Variants in KIAA1217 observed in about 807,000 individuals in gnomAD.
The protein encoded by KIAA1217 is sickle tail protein homolog.
A neutral mutation model predicts 163.9 loss-of-function variants in KIAA1217; 88 were observed. That is an observed-to-expected ratio of 0.54 (90% confidence interval 0.45 to 0.64). KIAA1217 has a LOEUF of 0.64. Among genes scored for constraint, KIAA1217 ranks in the 30% least tolerant of loss-of-function variants. The pLI is 0.00. For synonymous variants in KIAA1217, 903 were observed against 923.1 expected (o/e 0.98, Z 0.39); for missense variants, 2,372 against 2,475.0 (o/e 0.96, Z 0.88).
intron 2 of KIAA1217, among the ~76,000 whole-genome samples, chr10:24,084,354 C>A (rs190329490): frequency 2.4e-4 from 36 of 152,324 alleles, no homozygotes; most frequent in African/African-American, 8.7e-4. Flanking sequence ...ACATCTCTAT[C>A]CTCAGTAGCC....
intron 17 of KIAA1217, among the ~76,000 whole-genome samples, chr10:24,540,941 A>G (rs2074959177): frequency 6.6e-6 from 1 of 151,436 alleles, no homozygotes; most frequent in Non-Finnish European, 1.5e-5. Context: ...GCTAATTTTT[A>G]TATTTTCAGT....
intron 1 of KIAA1217, among the ~76,000 whole-genome samples, chr10:23,718,483 T>C (rs1837691108): frequency 6.6e-6 from 1 of 152,222 alleles, no homozygotes; most frequent in African/African-American, 2.4e-5. Context: ...TTGTTTGCTT[T>C]GTTATTCCTC....
In KIAA1217 at chr10:24,065,415, A is replaced by G. The variant is rs543175854; in HGVS notation, c.-171+58041A>G. ...TTCGTTATTTACCCAGTAGTCATTC[A>G]GGAGCAGGTTGTTCAGTTTCCATGT... On this transcript the variant is annotated intron_variant, in intron 2 of 18. Transcript: ENST00000376462. 1.9e-3 allele frequency among the ~76,000 whole-genome samples: 283 copies of G among 152,270 alleles called. 1 individual carries two copies. The highest frequency in any genetic ancestry group is 6.8e-3 in the Middle Eastern group (2 of 294).
At chr10:23,698,665 G>C (rs1223625335) in intron 1 of KIAA1217, among the ~76,000 whole-genome samples, 2 of 152,318 alleles carry the variant, frequency 1.3e-5, no homozygotes, top group South Asian at 2.1e-4. Context: ...TGAAGGGTCT[G>C]CATTTCCCAG....
intron 1 of KIAA1217, among the ~76,000 whole-genome samples, chr10:23,971,203 G>A (rs1377627139): frequency 6.6e-6 from 1 of 152,098 alleles, no homozygotes; most frequent in Non-Finnish European, 1.5e-5. Flanking sequence ...TTGTACACAT[G>A]CTCTTTTGAG....
At chr10:23,783,836 A>T (rs1484384475) in intron 1 of KIAA1217, among the ~76,000 whole-genome samples, 1 of 151,514 alleles carries the variant, frequency 6.6e-6, no homozygotes, top group East Asian at 1.9e-4. Flanking sequence ...TAAGTTATCC[A>T]TTTTCTTGAC....
At chr10:24,145,578 C>T (rs1222039789) in intron 2 of KIAA1217, among the ~76,000 whole-genome samples, 2 of 152,188 alleles carry the variant, frequency 1.3e-5, no homozygotes, top group African/African-American at 4.8e-5. Context: ...GAGTTTATTA[C>T]GGAGTATTGA....
Position 24,319,951 on chromosome 10 carries a change from C to A in KIAA1217, c.355-60918C>A, listed in dbSNP as rs190926324. Among the ~76,000 whole-genome samples, 285 of 152,224 alleles carry A rather than the reference C, an allele frequency of 1.9e-3. 5 individuals are homozygous for A. The highest frequency in any genetic ancestry group is 0.019 in the Admixed American group (285 of 15,294). ...ATGTTTCCATGAGATAACTAAAACC[C>A]GCATGAATGATACAATACTGTGACA... is the stretch of plus-strand genomic sequence containing the variant. On this transcript the variant is annotated intron_variant, in intron 2 of 20. Coordinates refer to ENST00000376454, the MANE Select transcript of KIAA1217 (RefSeq NM_019590.5).
At chr10:24,417,976 G>T (rs1004032346) in intron 3 of KIAA1217, among the ~76,000 whole-genome samples, 1 of 151,054 alleles carries the variant, frequency 6.6e-6, no homozygotes, top group Non-Finnish European at 1.5e-5. Context: ...GAGACAGAGT[G>T]TTGCTCTGTC....
intron 2 of KIAA1217, among the ~76,000 whole-genome samples, chr10:24,092,696 A>T (rs931593476): frequency 1.3e-5 from 2 of 151,818 alleles, no homozygotes; most frequent in Non-Finnish European, 1.5e-5. Context: ...CGTTATGAAA[A>T]AAAAACAAAA....
intron 3 of KIAA1217, among the ~76,000 whole-genome samples, chr10:24,389,424 A>G (rs1425427322): frequency 1.3e-5 from 2 of 152,106 alleles, no homozygotes; most frequent in East Asian, 3.9e-4. Flanking sequence ...TGGGGGAGGG[A>G]TAGCATTAGG....
At chr10:24,266,368 C>T (rs2076239577) in intron 2 of KIAA1217, among the ~76,000 whole-genome samples, 1 of 152,172 alleles carries the variant, frequency 6.6e-6, no homozygotes, top group Admixed American at 6.5e-5. Flanking sequence ...CGTGAGCCAC[C>T]ATGCTCGACC....
In KIAA1217 at chr10:24,536,906, C is replaced by A. The variant is rs1422429198; in HGVS notation, c.3534+13C>A. 1 of 1,613,306 alleles carries A rather than the reference C, an allele frequency of 6.2e-7. No homozygotes were observed. Among genetic ancestry groups the A allele is most frequent in the African/African-American group, 1.3e-5 (1 of 74,914 alleles). On this transcript the variant is annotated intron_variant, in intron 17 of 20. Coordinates refer to ENST00000376454, the MANE Select transcript of KIAA1217 (RefSeq NM_019590.5). ...CAAGGAGAAGAAGGTAACGTGGCAA[C>A]TGCACATTTGCCACACGGTTGGGAG...
intron 2 of KIAA1217, among the ~76,000 whole-genome samples, chr10:24,221,287 G>C (rs116965235): frequency 2.7e-5 from 4 of 149,900 alleles, no homozygotes. Flanking sequence ...CCTCACTGGC[G>C]AGTTACCAGA....
chr10:23,726,367 T>C (rs559338310), intron 1 of KIAA1217, among the ~76,000 whole-genome samples: 1 of 151,690 alleles, frequency 6.6e-6, no homozygotes, highest in Admixed American at 6.6e-5. Flanking sequence ...GTTTATTTTA[T>C]TTATTTTATT....
chr10:23,779,012 G>T (rs1489453274), intron 1 of KIAA1217, among the ~76,000 whole-genome samples: 3 of 152,038 alleles, frequency 2.0e-5, no homozygotes, highest in Non-Finnish European at 4.4e-5. Flanking sequence ...TTAACATTCT[G>T]AACAATGCTG....
At chr10:24,019,006 A>T (rs1847616966) in intron 2 of KIAA1217, among the ~76,000 whole-genome samples, 1 of 152,128 alleles carries the variant, frequency 6.6e-6, no homozygotes, top group African/African-American at 2.4e-5. Context: ...AATTGAACTC[A>T]TAGAAGCAGA....
intron 2 of KIAA1217, among the ~76,000 whole-genome samples, chr10:24,126,248 C>A (rs2063469115): frequency 6.6e-6 from 1 of 152,094 alleles, no homozygotes; most frequent in African/African-American, 2.4e-5. Context: ...TTCCTTAAAC[C>A]TGTCTTTCAG....
At position 23,818,917 on chromosome 10, in the gene KIAA1217, T is replaced by C. The variant is rs78329684; in HGVS notation, c.-321+123683T>C. ...GCTCTTAGTCTCAACAAAACAAAGATGTGAGCTCATAATGATCACATCTTA... is the reference window on the plus strand; with the variant it reads ...GCTCTTAGTCTCAACAAAACAAAGACGTGAGCTCATAATGATCACATCTTA... On this transcript the variant is annotated intron_variant, in intron 1 of 18. Transcript: ENST00000376462. Among the ~76,000 whole-genome samples, 789 of 152,270 alleles carry C rather than the reference T, an allele frequency of 5.2e-3. 6 individuals carry two copies. The highest frequency in any genetic ancestry group is 0.018 in the African/African-American group (763 of 41,556).
Sources: allele counts gnomAD v4.1 joint callset (sites outside exome capture counted in the v4.1 genomes callset), GRCh38; gene constraint gnomAD v4.1.1; transcripts MANE v1.5; gene names NCBI Gene and HGNC (gene_info 2026-07-23, HGNC 2026-07-21).